The following TMEM245 variants were observed in gnomAD, a reference collection of about 807,000 sequenced individuals.
TMEM245 encodes protein CG-2.
Under a neutral mutation model 101.2 loss-of-function variants are expected in TMEM245, and 69 were observed. That is an observed-to-expected ratio of 0.68 (90% CI 0.56 to 0.83). TMEM245 has a LOEUF of 0.83. Among genes scored for constraint, TMEM245 ranks in the 40% least tolerant of loss-of-function variants. The pLI is 0.00. For missense variants in TMEM245, 1,075 were observed against 1,092.8 expected (o/e 0.98, Z 0.23); for synonymous variants, 537 against 449.8 (o/e 1.19, Z -2.45).
intron 7 of TMEM245, among the ~76,000 whole-genome samples, chr9:109,083,916 A>ACAAAAAAAAAAAAC (rs781014271): frequency 2.3e-5 from 3 of 132,502 alleles, no homozygotes; most frequent in Non-Finnish European, 4.9e-5. Context: ...AAAAAAAAAA[A>ACAAAAAAAAAAAAC]AAAAAAAAAA....
At chr9:109,086,064 T>C (rs751211870) in intron 6 of TMEM245, 44 bp from the exon 7 acceptor site, 23 of 1,593,850 alleles carry the variant, frequency 1.4e-5, no homozygotes, top group Admixed American at 3.3e-5. Flanking sequence ...ATAAGAACAG[T>C]GGAGTATCAT....
chr9:109,055,645 T>C (rs1588038314), intron 12 of TMEM245, among the ~76,000 whole-genome samples: 1 of 151,144 alleles, frequency 6.6e-6, no homozygotes, highest in East Asian at 1.9e-4. Flanking sequence ...TTCTTTTTTT[T>C]TTTTTTAAGA....
intron 12 of TMEM245, among the ~76,000 whole-genome samples, chr9:109,052,769 G>A (rs1174434093): frequency 6.6e-6 from 1 of 151,984 alleles, no homozygotes; most frequent in Non-Finnish European, 1.5e-5. Context: ...GATTTGACAA[G>A]CATTCTTTTT....
rs1019079426 is a variant in TMEM245, at chr9:109,018,954, A to G, written c.*1506T>C. 1 of 115,386 alleles carries G rather than the reference A, an allele frequency of 8.7e-6. No individual in the cohort carries two copies. Among genetic ancestry groups the G allele is most frequent in the African/African-American group, 3.5e-5 (1 of 28,294 alleles). The allele number at this position is 115,386 out of a possible 1,614,324, so 7.1% of individuals were successfully genotyped here. On this transcript the variant is annotated 3_prime_UTR_variant, in exon 18 of 18. Transcript: ENST00000374586. ...GAGATGGGGTTTTGCCATGTTGCCT[A>G]GGCTGATCTCAAATCCCTGGGCTCA...
chr9:109,045,239 C>T (rs559831833), intron 14 of TMEM245, among the ~76,000 whole-genome samples: 1 of 152,280 alleles, frequency 6.6e-6, no homozygotes, highest in Non-Finnish European at 1.5e-5. Flanking sequence ...CCCAACCTCC[C>T]TTGAGAGGTC....
intron 17 of TMEM245, among the ~76,000 whole-genome samples, chr9:109,031,313 A>G (rs1827938809): frequency 6.6e-6 from 1 of 152,252 alleles, no homozygotes; most frequent in Non-Finnish European, 1.5e-5. Context: ...AAAAGTTCAT[A>G]GCATCTTGAA....
intron 14 of TMEM245, among the ~76,000 whole-genome samples, chr9:109,042,682 T>C (rs985023376): frequency 1.1e-4 from 16 of 152,210 alleles, no homozygotes; most frequent in Middle Eastern, 3.4e-3. Context: ...TCATATAACA[T>C]AAATTCCATC....
rs772339409 is a variant in TMEM245, at chr9:109,050,698, G to C, written c.1855-6C>G. ...ATCCACAGAGACTCCAAGATCTGAC[G>C]AGGAAGGAAAGCTGGATATCAGAAC... On this transcript the variant is annotated splice_polypyrimidine_tract_variant and splice_region_variant and intron_variant, in intron 12 of 17. Transcript: ENST00000374586. 1 of 1,612,144 alleles carries C rather than the reference G, an allele frequency of 6.2e-7. No individual in the cohort carries two copies. The highest frequency in any genetic ancestry group is 8.5e-7 in the Non-Finnish European group (1 of 1,179,616).
In TMEM245 at chr9:109,017,499, C is replaced by G. The variant is rs1489812356; in HGVS notation, c.*2961G>C. The stretch of plus-strand genomic sequence containing the variant: ...GGAATTTATGCTGAAAATCCCATGC[C>G]TTCTCTCTCAGAAAAGAGAGGAGCA... On this transcript the variant is annotated 3_prime_UTR_variant, in exon 18 of 18. Transcript: ENST00000374586. 1 of 152,206 alleles carries G rather than the reference C, an allele frequency of 6.6e-6. No individual in the cohort carries two copies. Among genetic ancestry groups the G allele is most frequent in the Non-Finnish European group, 1.5e-5 (1 of 68,034 alleles). The allele number at this position is 152,206 out of a possible 1,614,324, so 9.4% of individuals were successfully genotyped here. A position where few individuals can be genotyped will look rare whatever the true frequency, so the allele number is the denominator to read the frequency against.
intron 16 of TMEM245, 155 bp downstream of exon 16, chr9:109,036,051 A>G: frequency 2.0e-6 from 1 of 512,306 alleles, no homozygotes; most frequent in Non-Finnish European, 3.1e-6. Flanking sequence ...TTTTCAATGA[A>G]AATTTCATTT....
At chr9:109,032,372 T>G (rs972407018) in intron 17 of TMEM245, among the ~76,000 whole-genome samples, 175 of 34,380 alleles carry the variant, frequency 5.1e-3, no homozygotes, top group South Asian at 0.044. Flanking sequence ...TTCCTTTTTT[T>G]TTTTTTTTTT....
At chr9:109,085,775 C>T (rs933126435) in intron 7 of TMEM245, among the ~76,000 whole-genome samples, 6 of 152,204 alleles carry the variant, frequency 3.9e-5, no homozygotes, top group African/African-American at 1.2e-4. Flanking sequence ...TTACAAACAC[C>T]TGAGCAAGGA....
chr9:109,082,125 C>A lies in TMEM245; in HGVS notation c.1345-1182G>T, dbSNP rs1236268527. Among the ~76,000 whole-genome samples, 3 of 152,150 alleles carry A rather than the reference C, an allele frequency of 2.0e-5. No individual in the cohort carries two copies. In the South Asian group the frequency reaches 6.2e-4, roughly 32 times the overall value. ...AAGCAAAGAATGTTGGTTAAAAAAA[C>A]AACATGAGTTCTGCAGCATTTACTT... On this transcript the variant is annotated intron_variant, in intron 7 of 17. Transcript: ENST00000374586.
chr9:109,052,602 G>A (rs1365998037), intron 12 of TMEM245, among the ~76,000 whole-genome samples: 1 of 152,174 alleles, frequency 6.6e-6, no homozygotes, highest in African/African-American at 2.4e-5. Flanking sequence ...ACTCCGGCAG[G>A]CTGGTTTCAT....
At chr9:109,025,244 T>A (rs1827759385) in intron 17 of TMEM245, among the ~76,000 whole-genome samples, 1 of 152,150 alleles carries the variant, frequency 6.6e-6, no homozygotes, top group South Asian at 2.1e-4. Flanking sequence ...TACTTCATTT[T>A]GCAGAGACCC....
chr9:109,083,973 C>T (rs927789434), intron 7 of TMEM245, among the ~76,000 whole-genome samples: 1 of 138,254 alleles, frequency 7.2e-6, no homozygotes, highest in African/African-American at 2.7e-5. Flanking sequence ...GCTACTTAGG[C>T]GGCTGAGGTG....
chr9:109,078,807 T>G (rs1390634839), intron 8 of TMEM245, among the ~76,000 whole-genome samples: 1 of 152,224 alleles, frequency 6.6e-6, no homozygotes, highest in African/African-American at 2.4e-5. Flanking sequence ...GGGAAAGTTT[T>G]TAGCAGTTAT....
chr9:109,095,079 A>C (rs1435181444), intron 3 of TMEM245, among the ~76,000 whole-genome samples: 1 of 152,170 alleles, frequency 6.6e-6, no homozygotes, highest in Non-Finnish European at 1.5e-5. Context: ...TGCCCCTGTG[A>C]CCTGAAAGAG....
At chr9:109,106,980 C>A (rs541292264) in intron 2 of TMEM245, among the ~76,000 whole-genome samples, 14 of 152,028 alleles carry the variant, frequency 9.2e-5, no homozygotes, top group Non-Finnish European at 1.5e-4. Context: ...ATAAAGTCTG[C>A]CTTGGTTTCT....
Sources: allele counts gnomAD v4.1 joint callset (sites outside exome capture counted in the v4.1 genomes callset), GRCh38; gene constraint gnomAD v4.1.1; transcripts MANE v1.5; gene names NCBI Gene and HGNC (gene_info 2026-07-23, HGNC 2026-07-21).